The following SCFD2 variants were observed in gnomAD, a reference collection of about 807,000 sequenced individuals.
The protein encoded by SCFD2 is sec1 family domain containing 2.
Under a neutral mutation model 58.9 loss-of-function variants are expected in SCFD2, and 54 were observed. The ratio of observed to expected loss-of-function variants is 0.92; its 90% CI spans 0.74 to 1.15. The LOEUF is 1.15. Ranked by LOEUF, SCFD2 falls within the 50% of genes most tolerant of loss-of-function variation. SCFD2 has a pLI of 0.00. For missense variants in SCFD2, 805 were observed against 836.6 expected (o/e 0.96, Z 0.47); for synonymous variants, 321 against 335.9 (o/e 0.96, Z 0.49).
intron 2 of SCFD2, among the ~76,000 whole-genome samples, chr4:53,342,631 C>CT (rs1430140268): frequency 6.6e-6 from 1 of 152,232 alleles, no homozygotes; most frequent in Non-Finnish European, 1.5e-5. Context: ...ACAGAACTCT[C>CT]TAACTGAAAT....
chr4:53,004,100 A>G (rs1721920846), intron 5 of SCFD2, among the ~76,000 whole-genome samples: 1 of 152,218 alleles, frequency 6.6e-6, no homozygotes, highest in East Asian at 1.9e-4. Context: ...AGAGCCTTCT[A>G]TAAAAAGAAG....
intron 4 of SCFD2, among the ~76,000 whole-genome samples, chr4:53,192,193 G>A (rs189684078): frequency 9.8e-4 from 149 of 152,138 alleles, no homozygotes; most frequent in African/African-American, 3.5e-3. Flanking sequence ...TTGACACTAG[G>A]CACCTGTTTT....
intron 5 of SCFD2, among the ~76,000 whole-genome samples, chr4:53,023,190 A>C (rs1412201406): frequency 6.6e-6 from 1 of 152,140 alleles, no homozygotes; most frequent in African/African-American, 2.4e-5. Flanking sequence ...GTGATATTAC[A>C]TTTAATTTTG....
At chr4:53,182,796 C>T (rs890273865) in intron 4 of SCFD2, among the ~76,000 whole-genome samples, 4 of 150,428 alleles carry the variant, frequency 2.7e-5, no homozygotes, top group Non-Finnish European at 4.4e-5. Context: ...TGAACTCAAA[C>T]AAATTTACAA....
chr4:52,967,086 G>A (rs924201606), intron 5 of SCFD2, among the ~76,000 whole-genome samples: 4 of 152,176 alleles, frequency 2.6e-5, no homozygotes, highest in African/African-American at 7.2e-5. Context: ...CTTCATATAA[G>A]TAGAATCATA....
chr4:52,975,321 T>C lies in SCFD2; in HGVS notation c.1562-54451A>G, dbSNP rs192438291. ...TCTACAATGAACTCAAACAAATTTATAAGAAAAAAACAAACAACCCCATCA... is the reference window on the plus strand; with the variant it reads ...TCTACAATGAACTCAAACAAATTTACAAGAAAAAAACAAACAACCCCATCA... On this transcript the variant is annotated intron_variant, in intron 5 of 8. Coordinates refer to ENST00000401642, the MANE Select transcript of SCFD2 (RefSeq NM_152540.4). 3.6e-3 allele frequency among the ~76,000 whole-genome samples: 551 copies of C among 151,806 alleles called. 2 individuals are homozygous for C. The highest frequency in any genetic ancestry group is 0.013 in the African/African-American group (524 of 41,436).
chr4:53,303,616 G>A (rs1246988008), intron 3 of SCFD2, among the ~76,000 whole-genome samples: 1 of 152,062 alleles, frequency 6.6e-6, no homozygotes, highest in Non-Finnish European at 1.5e-5. Context: ...ATACCCAAAG[G>A]ATTAGAAATC....
At chr4:53,143,791 A>AACT (rs1726235180) in intron 5 of SCFD2, among the ~76,000 whole-genome samples, 2 of 57,442 alleles carry the variant, frequency 3.5e-5, no homozygotes, top group African/African-American at 1.0e-4. Flanking sequence ...CATACACCTA[A>AACT]ACATACACAC....
chr4:53,232,127 A>G (rs1356376160), intron 4 of SCFD2, among the ~76,000 whole-genome samples: 1 of 152,096 alleles, frequency 6.6e-6, no homozygotes, highest in Admixed American at 6.6e-5. Flanking sequence ...TTTTCTATTT[A>G]AAAATTATGA....
At chr4:53,153,192 C>T (rs1445559319) in intron 4 of SCFD2, among the ~76,000 whole-genome samples, 2 of 152,220 alleles carry the variant, frequency 1.3e-5, no homozygotes, top group East Asian at 3.9e-4. Context: ...TCACATTTCC[C>T]CTCCACACTG....
At chr4:53,243,010 T>C (rs999722985) in intron 4 of SCFD2, among the ~76,000 whole-genome samples, 2 of 152,192 alleles carry the variant, frequency 1.3e-5, no homozygotes, top group African/African-American at 4.8e-5. Flanking sequence ...TATGACTCAT[T>C]AGTGTTATAG....
At chr4:53,101,819 G>A (rs1724837868) in intron 5 of SCFD2, among the ~76,000 whole-genome samples, 1 of 151,898 alleles carries the variant, frequency 6.6e-6, no homozygotes, top group African/African-American at 2.4e-5. Flanking sequence ...TACTCACTAA[G>A]TCAATTTATA....
intron 5 of SCFD2, among the ~76,000 whole-genome samples, chr4:53,020,451 G>GA (rs1212217570): frequency 6.6e-6 from 1 of 152,164 alleles, no homozygotes; most frequent in Non-Finnish European, 1.5e-5. Context: ...CAAAGATAGG[G>GA]AAAGGTTAAG....
intron 3 of SCFD2, among the ~76,000 whole-genome samples, chr4:53,307,918 G>A (rs994388858): frequency 2.0e-5 from 3 of 152,146 alleles, no homozygotes; most frequent in Admixed American, 6.5e-5. Flanking sequence ...AAACGAAGGA[G>A]AAGGCTGCTT....
intron 5 of SCFD2, among the ~76,000 whole-genome samples, chr4:53,115,262 C>T (rs1258822098): frequency 6.6e-6 from 1 of 151,946 alleles, no homozygotes. Context: ...GAAAACAGTA[C>T]AGTTAGGAGA....
At chr4:53,308,597 A>G (rs1336882403) in intron 3 of SCFD2, among the ~76,000 whole-genome samples, 1 of 152,202 alleles carries the variant, frequency 6.6e-6, no homozygotes, top group Non-Finnish European at 1.5e-5. Context: ...GCAAAAATAT[A>G]AATGTGATCA....
intron 5 of SCFD2, among the ~76,000 whole-genome samples, chr4:53,024,969 T>TTATA (rs2148815477): frequency 6.6e-6 from 1 of 152,302 alleles, no homozygotes; most frequent in South Asian, 2.1e-4. Context: ...ACTGCATTTG[T>TTATA]CCCACTGGTT....
chr4:53,155,418 C>T (rs1726648296), intron 4 of SCFD2, among the ~76,000 whole-genome samples: 1 of 152,200 alleles, frequency 6.6e-6, no homozygotes, highest in Non-Finnish European at 1.5e-5. Flanking sequence ...AAAGGCCTCA[C>T]CAAACGCCAG....
rs114751110 is a variant in SCFD2, at chr4:52,988,238, A to G, written c.1562-67368T>C. ...TCACACTCCGAGTTTTGACTATGAC[A>G]TGGAGTTGGACTTACAAATTAGCAA... On this transcript the variant is annotated intron_variant, in intron 5 of 8. Transcript: ENST00000401642. 7.0e-3 allele frequency among the ~76,000 whole-genome samples: 1,064 copies of G among 152,360 alleles called. 20 individuals carry two copies. The highest frequency in any genetic ancestry group is 0.047 in the South Asian group (225 of 4,824).
Sources: allele counts gnomAD v4.1 joint callset (sites outside exome capture counted in the v4.1 genomes callset), GRCh38; gene constraint gnomAD v4.1.1; transcripts MANE v1.5; gene names NCBI Gene and HGNC (gene_info 2026-07-23, HGNC 2026-07-21).